The following TM9SF3 variants were observed in gnomAD, a reference collection of about 807,000 sequenced individuals.
TM9SF3 encodes SM-11044-binding protein.
TM9SF3 carries 14 observed loss-of-function variants against 78.6 expected under a neutral mutation model. That is an observed-to-expected ratio of 0.18 (90% CI 0.12 to 0.28). The LOEUF (loss-of-function observed/expected upper bound fraction) is 0.28. Ranked by LOEUF, TM9SF3 falls within the 10% of genes least tolerant of loss-of-function variation. The pLI is 1.00. For synonymous variants in TM9SF3, 231 were observed against 241.7 expected (o/e 0.96, Z 0.41); for missense variants, 496 against 721.9 (o/e 0.69, Z 3.59).
At chr10:96,574,978 C>T (rs1564940355) in intron 2 of TM9SF3, among the ~76,000 whole-genome samples, 1 of 151,912 alleles carries the variant, frequency 6.6e-6, no homozygotes, top group Middle Eastern at 3.4e-3. Flanking sequence ...ACGTAGGTGA[C>T]GGGTTGATGG....
rs745949519 is a variant in TM9SF3 at position 96,586,763 on chromosome 10, G to A, written c.73C>T (p.Arg25Trp). The A allele has an allele frequency of 3.1e-6, 4 of 1,286,140 alleles. No homozygotes were observed. The highest frequency in any genetic ancestry group is 3.4e-5 in the Admixed American group (1 of 29,022). The allele number at this position is 1,286,140 out of a possible 1,614,324, so 79.7% of individuals were successfully genotyped here. Residue 25 changes from arginine to tryptophan, a missense_variant, in exon 1 of 15, where the codon CGG becomes TGG. Arg to Trp is a moderately radical substitution (Grantham distance 101). This residue lies in a region of TM9SF3 where 58 missense variants were observed against 32.9 expected (regional missense o/e 1.76). Transcript: ENST00000371142. ...TGTTCGTGCTCGTCCGCCCGGGTCC[G>A]GGGCAGCAGCAGCAGCAGCAGCCAC... Reference protein sequence around the residue: ...ALWLLLLLLPRTRADEHEHTY... With the variant: ...ALWLLLLLLPWTRADEHEHTY...
At chr10:96,566,484 C>T (rs943308503) in intron 2 of TM9SF3, among the ~76,000 whole-genome samples, 5 of 152,232 alleles carry the variant, frequency 3.3e-5, no homozygotes, top group African/African-American at 1.2e-4. Flanking sequence ...ATAGACCAAC[C>T]TAAAGTGGGT....
At chr10:96,569,676 G>A (rs975715750) in intron 2 of TM9SF3, among the ~76,000 whole-genome samples, 1 of 152,084 alleles carries the variant, frequency 6.6e-6, no homozygotes, top group Non-Finnish European at 1.5e-5. Flanking sequence ...ATACTTATGT[G>A]CAATAGCAGA....
chr10:96,570,728 G>A (rs144177657), intron 2 of TM9SF3, among the ~76,000 whole-genome samples: 1,968 of 150,630 alleles, frequency 0.013, 31 homozygotes, highest in Non-Finnish European at 0.016. Context: ...GAGACAAAGA[G>A]AAGAGACAAC....
chr10:96,555,531 C>T (rs2134146434), intron 5 of TM9SF3, among the ~76,000 whole-genome samples: 1 of 152,300 alleles, frequency 6.6e-6, no homozygotes, highest in Middle Eastern at 3.4e-3. Flanking sequence ...CTTGGGCTAA[C>T]GTGCTGAATA....
chr10:96,581,981 G>A (rs1412188469), intron 1 of TM9SF3, among the ~76,000 whole-genome samples: 1 of 152,132 alleles, frequency 6.6e-6, no homozygotes, highest in Non-Finnish European at 1.5e-5. Flanking sequence ...AACGGCCTCA[G>A]TTTGTTCATT....
chr10:96,540,769 C>CTTTTTTTTTT lies in TM9SF3; in HGVS notation c.1185+3297_1185+3306dup, dbSNP rs68126103. On this transcript the variant is annotated intron_variant, in intron 9 of 14. Transcript: ENST00000371142. ...CTAACATTGGTTTTATATTACCTTT[C>CTTTTTTTTTT]TTTTTTTTTTTTTTTTTTTTTTTTT... Among the ~76,000 whole-genome samples, 23 of 51,330 alleles carry CTTTTTTTTTT rather than the reference C, an allele frequency of 4.5e-4. 3 individuals are homozygous for CTTTTTTTTTT. The highest frequency in any genetic ancestry group is 0.036 in the Middle Eastern group (1 of 28). The allele number at this position is 51,330 out of a possible 152,430, so 33.7% of individuals were successfully genotyped here. A position where few individuals can be genotyped will look rare whatever the true frequency, so the allele number is the denominator to read the frequency against.
chr10:96,575,108 T>C (rs1325649782), intron 2 of TM9SF3, among the ~76,000 whole-genome samples: 4 of 152,250 alleles, frequency 2.6e-5, no homozygotes, highest in African/African-American at 9.6e-5. Context: ...TACTCTTCTT[T>C]AGTAAATATG....
At chr10:96,557,912 T>C (rs1055813869) in intron 5 of TM9SF3, among the ~76,000 whole-genome samples, 1 of 152,228 alleles carries the variant, frequency 6.6e-6, no homozygotes, top group Admixed American at 6.5e-5. Flanking sequence ...GTTTTACTTA[T>C]TGTGTTTATT....
Position 96,586,787 on chromosome 10 carries a change from A to G in TM9SF3, c.49T>C (p.Trp17Arg). The change falls in exon 1 of 15, where the codon TGG (tryptophan) becomes CGG (arginine). Residue 17 changes from tryptophan (W) to arginine (R), a missense_variant. Transcript: ENST00000371142. The stretch of plus-strand genomic sequence containing the variant: ...CGGGGCAGCAGCAGCAGCAGCAGCC[A>G]CAGCGCGGCGGCCGCCGCCACGCCA... ...ALGVAAAAAL[W>R]LLLLLLPRTR... is the part of the protein sequence containing the mutation. The G allele has an allele frequency of 7.8e-7, 1 of 1,286,460 alleles. No homozygotes were observed. Among genetic ancestry groups the G allele is most frequent in the Non-Finnish European group, 9.9e-7 (1 of 1,014,802 alleles). The allele number at this position is 1,286,460 out of a possible 1,614,324, so 79.7% of individuals were successfully genotyped here.
intron 8 of TM9SF3, among the ~76,000 whole-genome samples, chr10:96,545,060 T>G (rs1848081351): frequency 1.3e-5 from 2 of 152,176 alleles, no homozygotes; most frequent in South Asian, 4.1e-4. Flanking sequence ...TTCTATACAT[T>G]GAGCTTCTAT....
chr10:96,531,639 G>A (rs980442479), intron 10 of TM9SF3, among the ~76,000 whole-genome samples: 1 of 152,098 alleles, frequency 6.6e-6, no homozygotes, highest in African/African-American at 2.4e-5. Flanking sequence ...AAAGTGATCT[G>A]CCCAAGGTGA....
At chr10:96,525,733 C>CA (rs1350651903) in intron 14 of TM9SF3, among the ~76,000 whole-genome samples, 1 of 152,080 alleles carries the variant, frequency 6.6e-6, no homozygotes, top group Non-Finnish European at 1.5e-5. Context: ...AGCCTTACAT[C>CA]ATTCCTACAA....
intron 10 of TM9SF3, among the ~76,000 whole-genome samples, chr10:96,532,115 C>T (rs370983494): frequency 2.0e-5 from 3 of 151,720 alleles, no homozygotes; most frequent in African/African-American, 7.3e-5. Context: ...GAGGCTGAGG[C>T]GGAAGAATGG....
chr10:96,549,413 T>C (rs1466267950), intron 7 of TM9SF3, among the ~76,000 whole-genome samples: 3 of 152,186 alleles, frequency 2.0e-5, no homozygotes, highest in African/African-American at 7.2e-5. Flanking sequence ...TAAGATTGCC[T>C]AGGTTCCAAT....
intron 1 of TM9SF3, among the ~76,000 whole-genome samples, chr10:96,578,531 C>T (rs867381806): frequency 9.2e-5 from 14 of 152,170 alleles, no homozygotes; most frequent in African/African-American, 3.4e-4. Context: ...AGATAATCTT[C>T]ACATAGGAAG....
At chr10:96,540,043 T>C (rs1430770965) in intron 9 of TM9SF3, among the ~76,000 whole-genome samples, 1 of 152,216 alleles carries the variant, frequency 6.6e-6, no homozygotes, top group Non-Finnish European at 1.5e-5. Context: ...ATCCTTATTA[T>C]AATTCATCTT....
intron 9 of TM9SF3, among the ~76,000 whole-genome samples, chr10:96,536,495 C>T (rs1218655679): frequency 6.6e-6 from 1 of 151,890 alleles, no homozygotes; most frequent in East Asian, 1.9e-4. Context: ...TAAAGTAACC[C>T]TAGCTCACTT....
chr10:96,527,841 T>C (rs1028257157), intron 12 of TM9SF3, among the ~76,000 whole-genome samples, 190 bp downstream of exon 12: 2 of 152,148 alleles, frequency 1.3e-5, no homozygotes, highest in African/African-American at 2.4e-5. Flanking sequence ...CAGTACTCCA[T>C]TAATACATTA....
Sources: allele counts gnomAD v4.1 joint callset (sites outside exome capture counted in the v4.1 genomes callset), GRCh38; gene constraint gnomAD v4.1.1; regional missense constraint gnomAD v4.1.1; transcripts MANE v1.5; gene names NCBI Gene and HGNC (gene_info 2026-07-23, HGNC 2026-07-21).